The following EIF2AK1 variants were observed in gnomAD, a reference collection of about 807,000 sequenced individuals.
The protein encoded by EIF2AK1 is eukaryotic translation initiation factor 2 alpha kinase 1, also known as eukaryotic translation initiation factor 2-alpha kinase 1.
EIF2AK1 carries 54 observed loss-of-function variants against 77.9 expected under a neutral mutation model. The ratio of observed to expected loss-of-function variants is 0.69; its 90% CI spans 0.56 to 0.87. The LOEUF (loss-of-function observed/expected upper bound fraction) is 0.87, where lower values mean the gene tolerates loss of function less well. Ranked by LOEUF, EIF2AK1 falls within the 40% of genes least tolerant of loss-of-function variation. The pLI is 0.00. For missense variants in EIF2AK1, 810 were observed against 768.6 expected (o/e 1.05, Z -0.64); for synonymous variants, 314 against 290.5 (o/e 1.08, Z -0.82).
At chr7:6,054,919 CG>C (rs1459180827) in intron 1 of EIF2AK1, among the ~76,000 whole-genome samples, 1 of 151,962 alleles carries the variant, frequency 6.6e-6, no homozygotes, top group Admixed American at 6.6e-5. Flanking sequence ...AGAAAGATGC[CG>C]TGAGACAGAG....
At chr7:6,043,067 T>C (rs967198460) in intron 7 of EIF2AK1, 74 bp from the exon 8 acceptor site, 2 of 1,429,522 alleles carry the variant, frequency 1.4e-6, no homozygotes, top group Non-Finnish European at 2.0e-6. Flanking sequence ...AGAGTTAAAA[T>C]ATACAAATAG....
At chr7:6,037,373 C>T in intron 11 of EIF2AK1, 51 bp downstream of exon 11, 1 of 1,210,864 alleles carries the variant, frequency 8.3e-7, no homozygotes, top group African/African-American at 1.5e-5. Flanking sequence ...ATCAAGTCGT[C>T]CCTGATACAA....
chr7:6,039,912 G>A (rs1460573196), intron 9 of EIF2AK1, among the ~76,000 whole-genome samples: 1 of 152,020 alleles, frequency 6.6e-6, no homozygotes, highest in Non-Finnish European at 1.5e-5. Context: ...ACTCCAGCCT[G>A]GGTGACAAGA....
chr7:6,037,212 CAG>C (rs1336332628), intron 11 of EIF2AK1, among the ~76,000 whole-genome samples: 1 of 150,298 alleles, frequency 6.7e-6, no homozygotes, highest in African/African-American at 2.5e-5. Flanking sequence ...ACGTGGGTGA[CAG>C]AGCGAAATGC....
At chr7:6,058,302 A>G in intron 1 of EIF2AK1, 2 of 375,020 alleles carry the variant, frequency 5.3e-6, no homozygotes, top group Non-Finnish European at 1.1e-5. Flanking sequence ...CTGTGGTCCC[A>G]GCTACTCGGG....
At position 6,049,944 on chromosome 7, in the gene EIF2AK1, A is replaced by G. The variant is rs749667231; in HGVS notation, c.379T>C (p.Leu127=). 10 of 1,612,734 alleles carry G rather than the reference A, an allele frequency of 6.2e-6. No individual in the cohort carries two copies. The Admixed American group carries it at 1.7e-4, about 27-fold the overall frequency. The change falls in exon 3 of 15, where the codon TTA becomes CTA. Residue 127 remains leucine, a synonymous_variant. Transcript: ENST00000199389. Reference sequence around the variant, plus strand: ...ACTCTCTCTTTAGCAGACCTCATTAAGTGAGTAATAGCTCTGTTGTGATGT... The same window carrying G: ...ACTCTCTCTTTAGCAGACCTCATTAGGTGAGTAATAGCTCTGTTGTGATGT... The part of the protein sequence containing the change: ...RLHHNRAITH[L]MRSAKERVRQ...
intron 13 of EIF2AK1, among the ~76,000 whole-genome samples, chr7:6,028,273 T>TG (rs1787807738): frequency 6.6e-6 from 1 of 150,442 alleles, no homozygotes; most frequent in Non-Finnish European, 1.5e-5. Context: ...TTTTTTGAGA[T>TG]GGAGTTTTGC....
At chr7:6,056,128 A>C (rs1477538153) in intron 1 of EIF2AK1, among the ~76,000 whole-genome samples, 1 of 150,904 alleles carries the variant, frequency 6.6e-6, no homozygotes, top group East Asian at 1.9e-4. Context: ...CACCGTCTCT[A>C]CTAAAAATAC....
chr7:6,022,634 T>C lies in EIF2AK1; in HGVS notation c.*2039A>G, dbSNP rs1268848762. On this transcript the variant is annotated 3_prime_UTR_variant, in exon 15 of 15. Coordinates refer to ENST00000199389, the MANE Select transcript of EIF2AK1 (RefSeq NM_014413.4). ...GAGCAGAGATGAAGCAACGCAAAGA[T>C]GCCCTTGTTCGTCTGCAAAATTTAG... 6.6e-6 allele frequency: 1 copy of C among 152,152 alleles called. No individual in the cohort carries two copies. The highest frequency in any genetic ancestry group is 1.5e-5 in the Non-Finnish European group (1 of 68,078). 9.4% of individuals were successfully genotyped at this position (152,152 alleles called of 1,614,324 possible). A position where few individuals can be genotyped will look rare whatever the true frequency, so the allele number is the denominator to read the frequency against.
chr7:6,042,855 G>T, intron 8 of EIF2AK1, 78 bp downstream of exon 8: 2 of 1,255,860 alleles, frequency 1.6e-6, no homozygotes, highest in South Asian at 1.3e-5. Context: ...GACAGAGCGA[G>T]ACTCTGTCGC....
chr7:6,033,170 T>C lies in EIF2AK1; in HGVS notation c.1333-4138A>G, dbSNP rs1787966591. ...TTTTAGTAGAGACAGGGTTTCACCA[T>C]GTTGGCCAGGCTGGTCTTGAACTCC... On this transcript the variant is annotated intron_variant, in intron 11 of 14. Coordinates refer to ENST00000199389, the MANE Select transcript of EIF2AK1 (RefSeq NM_014413.4). This position sits in a 1 kb window ranked among gnomAD's most constrained non-coding sequence, Gnocchi z 4.4. 6.6e-6 allele frequency among the ~76,000 whole-genome samples: 1 copy of C among 152,158 alleles called. No homozygotes were observed. Among genetic ancestry groups the C allele is most frequent in the South Asian group, 2.1e-4 (1 of 4,826 alleles).
At position 6,035,807 on chromosome 7, in the gene EIF2AK1, C is replaced by A; in HGVS notation, c.1332+1617G>T. On this transcript the variant is annotated intron_variant, in intron 11 of 14. Coordinates refer to ENST00000199389, the MANE Select transcript of EIF2AK1 (RefSeq NM_014413.4). This position sits in a 1 kb window ranked among gnomAD's most constrained non-coding sequence, Gnocchi z 5.5. Reference sequence around the variant, plus strand: ...AAACGCTCATTGCCTATGGAGCAAACGTCAACTGTGCTGTCTCTTCCACGG... The same window carrying A: ...AAACGCTCATTGCCTATGGAGCAAAAGTCAACTGTGCTGTCTCTTCCACGG... The A allele has an allele frequency of 1.9e-6, 3 of 1,550,660 alleles. No homozygotes were observed. Among genetic ancestry groups the A allele is most frequent in the Non-Finnish European group, 1.7e-6 (2 of 1,146,820 alleles).
chr7:6,031,478 G>A, intron 11 of EIF2AK1: 1 of 1,550,702 alleles, frequency 6.4e-7, no homozygotes, highest in Non-Finnish European at 8.7e-7. Flanking sequence ...ACTCTATGAA[G>A]CCATCATGAG....
At chr7:6,053,820 A>G (rs543832428) in intron 2 of EIF2AK1, among the ~76,000 whole-genome samples, 1 of 143,816 alleles carries the variant, frequency 7.0e-6, no homozygotes, top group African/African-American at 2.6e-5. Flanking sequence ...GCCATGTGCC[A>G]TTACGCCTGG....
In EIF2AK1 at chr7:6,033,654, C is replaced by G. The variant is rs1787980069; in HGVS notation, c.1332+3770G>C. 4.6e-5 allele frequency among the ~76,000 whole-genome samples: 7 copies of G among 152,126 alleles called. No individual in the cohort carries two copies. The South Asian group carries it at 1.5e-3, about 32-fold the overall frequency. ...CGCCCAGGCTGGAGTGCAGTGGCAC[C>G]ATTCTCCTGGGTTCACGCCATTCTC... On this transcript the variant is annotated intron_variant, in intron 11 of 14. Coordinates refer to ENST00000199389, the MANE Select transcript of EIF2AK1 (RefSeq NM_014413.4). The surrounding 1 kb of genome is among the most constrained non-coding windows in gnomAD (Gnocchi z 4.4).
intron 3 of EIF2AK1, among the ~76,000 whole-genome samples, 194 bp from the exon 4 acceptor site, chr7:6,049,038 A>C (rs1788522817): frequency 6.6e-6 from 1 of 152,124 alleles, no homozygotes; most frequent in Admixed American, 6.6e-5. Context: ...CAAGCAGACA[A>C]GACTGACGTC....
rs955471577 is a variant in EIF2AK1 at position 6,036,208 on chromosome 7, G to A, written c.1332+1216C>T. On this transcript the variant is annotated intron_variant, in intron 11 of 14. Transcript: ENST00000199389. This position sits in a 1 kb window ranked among gnomAD's most constrained non-coding sequence, Gnocchi z 4.6. ...GCAGGAATCATGCTACCAGAATTCCGCCTCTTAAGGGACACCCTAATAAAG... is the reference window on the plus strand; with the variant it reads ...GCAGGAATCATGCTACCAGAATTCCACCTCTTAAGGGACACCCTAATAAAG... 7.1e-6 allele frequency: 11 copies of A among 1,549,454 alleles called. No homozygotes were observed. Among genetic ancestry groups the A allele is most frequent in the South Asian group, 2.4e-5 (2 of 84,012 alleles).
At chr7:6,050,602 CTTTTT>C (rs576925022) in intron 2 of EIF2AK1, among the ~76,000 whole-genome samples, 1 of 132,990 alleles carries the variant, frequency 7.5e-6, no homozygotes. Context: ...AATTACTTCT[CTTTTT>C]TTTTTTTTTT....
intron 14 of EIF2AK1, among the ~76,000 whole-genome samples, 183 bp from the exon 15 acceptor site, chr7:6,024,984 G>A (rs1051864510): frequency 6.6e-5 from 10 of 151,772 alleles, no homozygotes; most frequent in Admixed American, 2.0e-4. Context: ...GATTACAGGC[G>A]CTCTCATACA....
Sources: allele counts gnomAD v4.1 joint callset (sites outside exome capture counted in the v4.1 genomes callset), GRCh38; gene constraint gnomAD v4.1.1; non-coding constraint Gnocchi (gnomAD v3.1); transcripts MANE v1.5; gene names NCBI Gene and HGNC (gene_info 2026-07-23, HGNC 2026-07-21).